Variants in ZNG1B observed in about 807,000 individuals in gnomAD.
ZNG1B encodes the protein zinc-regulated GTPase metalloprotein activator 1B.
At chr2:113,473,788 T>C in the ZNG1B span, among the ~76,000 whole-genome samples, 7 of 147,918 alleles carry the variant, frequency 4.7e-5, no homozygotes, top group Admixed American at 4.8e-4. Flanking sequence ...CTGGATTACA[T>C]GTATTGATTT....
At chr2:113,438,776 A>G in the ZNG1B span, among the ~76,000 whole-genome samples, 1 of 152,198 alleles carries the variant, frequency 6.6e-6, no homozygotes, top group Admixed American at 6.5e-5. Context: ...GAACAAATAT[A>G]TGACTGTATT....
At chr2:113,470,584 T>C in the ZNG1B span, 2 of 213,218 alleles carry the variant, frequency 9.4e-6, no homozygotes, top group Non-Finnish European at 1.9e-5. Context: ...CTTAATATTT[T>C]GTACATTGGT....
chr2:113,482,263 T>G, the ZNG1B span: 1 of 1,194,132 alleles, frequency 8.4e-7, no homozygotes, highest in Non-Finnish European at 1.2e-6. Flanking sequence ...AAATTCCTAA[T>G]CAATGTTTTT....
chr2:113,477,324 C>T, the ZNG1B span, among the ~76,000 whole-genome samples: 5 of 152,190 alleles, frequency 3.3e-5, no homozygotes, highest in African/African-American at 1.2e-4. Context: ...GGAAAGGGAA[C>T]TCCCTGACCC....
chr2:113,476,540 C>A, the ZNG1B span, among the ~76,000 whole-genome samples: 3 of 148,706 alleles, frequency 2.0e-5, no homozygotes, highest in Non-Finnish European at 4.4e-5. Flanking sequence ...TGAGGAGCTG[C>A]GTTCCTTCGG....
At chr2:113,441,319 ATTT>A in the ZNG1B span, 14,270 of 1,263,774 alleles carry the variant, frequency 0.011, 1,059 homozygotes, top group African/African-American at 0.19. Context: ...ATTATTTTGA[ATTT>A]TTTTATTTAC....
At chr2:113,440,492 C>A in the ZNG1B span, among the ~76,000 whole-genome samples, 1 of 152,182 alleles carries the variant, frequency 6.6e-6, no homozygotes, top group Admixed American at 6.5e-5. Flanking sequence ...TTCTATACTT[C>A]ATATTTTTGT....
the ZNG1B span, among the ~76,000 whole-genome samples, chr2:113,459,367 A>ATCTGCTT: frequency 3.3e-5 from 5 of 151,758 alleles, no homozygotes; most frequent in Non-Finnish European, 7.4e-5. Flanking sequence ...TGAGGTTCCA[A>ATCTGCTT]ACTATTCAGA....
the ZNG1B span, chr2:113,441,523 T>C: frequency 6.2e-7 from 1 of 1,605,538 alleles, no homozygotes. Flanking sequence ...TATTTAAAAA[T>C]GAAAATGCAA....
chr2:113,485,080 A>T, the ZNG1B span, among the ~76,000 whole-genome samples: 3 of 145,218 alleles, frequency 2.1e-5, no homozygotes, highest in East Asian at 6.4e-4. Context: ...AATTGTAAAG[A>T]GTTCCTTTTT....
At chr2:113,438,927 T>C in the ZNG1B span, 2 of 1,535,474 alleles carry the variant, frequency 1.3e-6, no homozygotes, top group Non-Finnish European at 8.8e-7. Context: ...ACTGCTTTTG[T>C]TTTTTAAAAA....
At chr2:113,481,990 T>G in the ZNG1B span, 310 of 937,848 alleles carry the variant, frequency 3.3e-4, 1 homozygote, top group African/African-American at 4.8e-3. Flanking sequence ...TTTTAAGAAA[T>G]TTTAAAAAAA....
the ZNG1B span, among the ~76,000 whole-genome samples, chr2:113,448,890 G>A: frequency 6.6e-6 from 1 of 151,066 alleles, no homozygotes; most frequent in African/African-American, 2.4e-5. Context: ...GTGACAGAGC[G>A]AGACTCCATC....
the ZNG1B span, among the ~76,000 whole-genome samples, chr2:113,478,637 T>C: frequency 7.1e-6 from 1 of 140,226 alleles, no homozygotes; most frequent in Non-Finnish European, 1.5e-5. Context: ...AATTCTACTT[T>C]CAACTAGTTT....
At chr2:113,444,844 A>C in the ZNG1B span, 7 of 1,428,964 alleles carry the variant, frequency 4.9e-6, no homozygotes, top group African/African-American at 1.0e-4. Flanking sequence ...AGTGAGTTAA[A>C]TTTTCACATT....
At chr2:113,477,119 C>T in the ZNG1B span, among the ~76,000 whole-genome samples, 2 of 152,208 alleles carry the variant, frequency 1.3e-5, no homozygotes, top group African/African-American at 2.4e-5. Context: ...CCCCCAGCCT[C>T]GCTGCCGCCT....
chr2:113,496,030 G>A, the ZNG1B span: 2 of 211,560 alleles, frequency 9.5e-6, 1 homozygote, highest in Non-Finnish European at 1.8e-5. Flanking sequence ...TAATAATGAT[G>A]ATACAACTTT....
the ZNG1B span, among the ~76,000 whole-genome samples, chr2:113,445,982 A>C: frequency 1.0e-3 from 152 of 152,132 alleles, no homozygotes; most frequent in African/African-American, 3.3e-3. Context: ...CATCATCCCC[A>C]TGTTTTCAAA....
chr2:113,462,245 G>A, the ZNG1B span, among the ~76,000 whole-genome samples: 1 of 152,214 alleles, frequency 6.6e-6, no homozygotes, highest in Non-Finnish European at 1.5e-5. Flanking sequence ...GGAGTAAACT[G>A]AGTCACTCCT....
Sources: allele counts gnomAD v4.1 joint callset (sites outside exome capture counted in the v4.1 genomes callset), GRCh38; gene constraint gnomAD v4.1.1; transcripts MANE v1.5; gene names NCBI Gene and HGNC (gene_info 2026-07-23, HGNC 2026-07-21).